The following PPP2R2B variants were observed in gnomAD, a reference collection of about 807,000 sequenced individuals.
PPP2R2B encodes the protein protein phosphatase 2 regulatory subunit Bbeta, also known as serine/threonine-protein phosphatase 2A 55 kDa regulatory subunit B beta isoform.
In PPP2R2B, 5 loss-of-function variants were observed where a neutral mutation model predicts 46.0. The observed-to-expected ratio is 0.11, with a 90% CI of 0.06 to 0.23. The LOEUF (loss-of-function observed/expected upper bound fraction) is 0.23. Ranked by LOEUF, PPP2R2B falls within the 10% of genes least tolerant of loss-of-function variation. The pLI, the probability that PPP2R2B is intolerant of heterozygous loss-of-function variation, is 1.00. For missense variants in PPP2R2B, 367 were observed against 575.0 expected (o/e 0.64, Z 3.70); for synonymous variants, 215 against 206.7 (o/e 1.04, Z -0.34).
chr5:146,858,238 T>G (rs551649852), intron 2 of PPP2R2B, among the ~76,000 whole-genome samples: 1 of 152,306 alleles, frequency 6.6e-6, no homozygotes, highest in Admixed American at 6.5e-5. Context: ...GTCTGTTTTC[T>G]TGACTACTTT....
chr5:146,733,646 T>C (rs1006176522), intron 2 of PPP2R2B, among the ~76,000 whole-genome samples: 1 of 152,150 alleles, frequency 6.6e-6, no homozygotes, highest in African/African-American at 2.4e-5. Context: ...AAGTCTAGAA[T>C]TGGCAACCAG....
At chr5:146,794,560 T>G (rs1006936674) in intron 2 of PPP2R2B, among the ~76,000 whole-genome samples, 2 of 152,204 alleles carry the variant, frequency 1.3e-5, no homozygotes, top group African/African-American at 4.8e-5. Context: ...TAGTTCTGAC[T>G]AAATAGACAA....
rs576628881 is a variant in PPP2R2B at position 146,893,122 on chromosome 5, C to T, written c.79+162543G>A. On this transcript the variant is annotated intron_variant, in intron 1 of 8. Transcript: ENST00000336640. ...TCACTCATCCATCCATTTATTCCCT[C>T]GTGATGTGTTTCTCTTCACTGAAGA... Among the ~76,000 whole-genome samples the T allele has an allele frequency of 1.6e-4, 25 of 152,294 alleles. No homozygotes were observed. In the East Asian group the frequency reaches 2.1e-3, roughly 13 times the overall value.
At chr5:146,805,231 A>T (rs1298885850) in intron 2 of PPP2R2B, among the ~76,000 whole-genome samples, 7 of 152,138 alleles carry the variant, frequency 4.6e-5, no homozygotes, top group African/African-American at 7.2e-5. Context: ...ACCCTGAGCC[A>T]TTTGTGCATG....
chr5:146,673,755 CCTTT>C (rs1223036872), intron 5 of PPP2R2B, among the ~76,000 whole-genome samples: 7 of 152,330 alleles, frequency 4.6e-5, no homozygotes, highest in Admixed American at 1.3e-4. Context: ...GAGCATGTAA[CCTTT>C]CTTAGCTCAG....
At position 147,011,018 on chromosome 5, in the gene PPP2R2B, G is replaced by T. The variant is rs73314891; in HGVS notation, c.79+44647C>A. ...CCCTCCAGTGGCTGCCCACGTCACT[G>T]AGGGAAAAAGCCAAAATCCTTGCCA... On this transcript the variant is annotated intron_variant, in intron 1 of 8. Transcript: ENST00000336640. Among the ~76,000 whole-genome samples the T allele has an allele frequency of 6.6e-3, 998 of 152,224 alleles. 9 individuals carry two copies. The highest frequency in any genetic ancestry group is 0.022 in the African/African-American group (922 of 41,536).
At chr5:146,909,964 A>T (rs1763123012) in intron 1 of PPP2R2B, among the ~76,000 whole-genome samples, 1 of 152,260 alleles carries the variant, frequency 6.6e-6, no homozygotes, top group African/African-American at 2.4e-5. Flanking sequence ...AATTGCAGCT[A>T]GAAGATTTAA....
chr5:147,013,343 C>A (rs1257898148), intron 1 of PPP2R2B, among the ~76,000 whole-genome samples: 2 of 97,868 alleles, frequency 2.0e-5, no homozygotes, highest in African/African-American at 6.2e-5. Flanking sequence ...CCATCCCCAT[C>A]AAGCTACCAA....
intron 2 of PPP2R2B, chr5:146,856,421 T>G (rs571132640): frequency 8.8e-7 from 1 of 1,130,842 alleles, no homozygotes; most frequent in Admixed American, 1.9e-5. Flanking sequence ...GGAACAAATT[T>G]TAAGCAATTG....
intron 2 of PPP2R2B, among the ~76,000 whole-genome samples, chr5:146,731,649 C>T (rs1171731059): frequency 6.6e-6 from 1 of 152,172 alleles, no homozygotes; most frequent in Non-Finnish European, 1.5e-5. Context: ...CCCTCATTCT[C>T]AATTTCCTTC....
chr5:146,798,741 C>T (rs573547121), intron 2 of PPP2R2B, among the ~76,000 whole-genome samples: 48 of 152,260 alleles, frequency 3.2e-4, no homozygotes, highest in African/African-American at 1.1e-3. Flanking sequence ...TCTTTGAATC[C>T]TATCAATAAC....
At chr5:146,592,026 A>C (rs1443526357) in intron 9 of PPP2R2B, 1 of 361,366 alleles carries the variant, frequency 2.8e-6, no homozygotes, top group Non-Finnish European at 5.3e-6. Context: ...TATGTAAATA[A>C]TAATATATGA....
chr5:146,831,237 C>T (rs942150294), intron 2 of PPP2R2B, among the ~76,000 whole-genome samples: 1 of 151,888 alleles, frequency 6.6e-6, no homozygotes, highest in Non-Finnish European at 1.5e-5. Context: ...TGGCTCATGC[C>T]TGTAATCTCA....
intron 7 of PPP2R2B, 76 bp from the exon 8 acceptor site, chr5:146,600,536 A>C (rs1771681894): frequency 1.4e-6 from 2 of 1,449,720 alleles, no homozygotes; most frequent in Non-Finnish European, 1.9e-6. Context: ...ACTGGCTAGG[A>C]AGCTGACAGT....
intron 1 of PPP2R2B, among the ~76,000 whole-genome samples, chr5:146,982,925 T>G (rs969412982): frequency 6.6e-6 from 1 of 152,158 alleles, no homozygotes; most frequent in Non-Finnish European, 1.5e-5. Flanking sequence ...TTCTTATATT[T>G]GAAGTGAGTT....
At chr5:146,799,106 T>C (rs1756710966) in intron 2 of PPP2R2B, among the ~76,000 whole-genome samples, 1 of 152,224 alleles carries the variant, frequency 6.6e-6, no homozygotes, top group East Asian at 1.9e-4. Flanking sequence ...AAAGTTTACT[T>C]ACTCCCCAGT....
intron 1 of PPP2R2B, among the ~76,000 whole-genome samples, chr5:146,981,202 A>G (rs1753160089): frequency 6.6e-6 from 1 of 152,168 alleles, no homozygotes; most frequent in African/African-American, 2.4e-5. Flanking sequence ...TAATGGATTC[A>G]GTTCTTCCCC....
chr5:146,695,306 T>C (rs1307613840), intron 4 of PPP2R2B, among the ~76,000 whole-genome samples: 4 of 152,144 alleles, frequency 2.6e-5, no homozygotes, highest in Non-Finnish European at 5.9e-5. Flanking sequence ...TCCATGAACA[T>C]GTACTAATTT....
chr5:146,698,317 AAT>A (rs35533710), intron 3 of PPP2R2B, among the ~76,000 whole-genome samples, 173 bp from the exon 4 acceptor site: 1,285 of 85,520 alleles, frequency 0.015, 49 homozygotes, highest in Non-Finnish European at 0.018. Flanking sequence ...AAAAAAAAAA[AAT>A]ATATATATAT....
Sources: gnomAD v4.1 joint callset for allele counts (sites outside exome capture counted in the v4.1 genomes callset) on GRCh38, gnomAD v4.1.1 for gene constraint, MANE v1.5 for transcripts, NCBI Gene and HGNC (gene_info 2026-07-23, HGNC 2026-07-21) for gene names.